The following INTS5 variants were observed in gnomAD, a reference collection of about 807,000 sequenced individuals.
INTS5 encodes the protein integrator complex subunit 5, also known as KIAA1698.
A neutral mutation model predicts 60.0 loss-of-function variants in INTS5; 29 were observed. The ratio of observed to expected loss-of-function variants is 0.48; its 90% CI spans 0.36 to 0.66. The LOEUF (loss-of-function observed/expected upper bound fraction) is 0.66, where lower values mean the gene tolerates loss of function less well. Among genes scored for constraint, INTS5 ranks in the 30% least tolerant of loss-of-function variants. The probability of loss-of-function intolerance (pLI) is 0.00; values close to 1 mark genes in which losing one functional copy is unlikely to be tolerated. For synonymous variants in INTS5, 588 were observed against 558.8 expected (o/e 1.05, Z -0.74); for missense variants, 1,129 against 1,307.9 (o/e 0.86, Z 2.11).
rs1944612424 is a variant in INTS5 at position 62,653,296 on chromosome 11, G to A, written c.-47C>T. 3.3e-6 allele frequency: 4 copies of A among 1,208,332 alleles called. No homozygotes were observed. In the East Asian group the frequency reaches 9.6e-5, roughly 29 times the overall value. The allele number at this position is 1,208,332 out of a possible 1,614,324, so 74.9% of individuals were successfully genotyped here. ...GAGGCGCGAGCGGCGGAGCGCAGGC[G>A]GCGCATGCGCGCTGACAGGAAACGC... is the stretch of plus-strand genomic sequence containing the variant. On this transcript the variant is annotated 5_prime_UTR_variant, in exon 1 of 2. Coordinates refer to ENST00000330574, the MANE Select transcript of INTS5 (RefSeq NM_030628.2).
At position 62,647,819 on chromosome 11, in the gene INTS5, A is replaced by G; in HGVS notation, c.2261T>C (p.Ile754Thr). The change falls in exon 2 of 2, where the codon ATC becomes ACC. Residue 754 changes from isoleucine (I) to threonine (T), a missense_variant. Physicochemically the swap from Ile to Thr is moderately conservative, Grantham distance 89. Around this residue, in one of 3 missense-constraint regions of INTS5, gnomAD observed 1,070 missense variants for 1,246.1 expected, o/e 0.86. Transcript: ENST00000330574. ...GIWSVFHAGV[I>T]GRGLKPPKFV... ...CTTGGGTGGCTTTAAGCCACGGCCG[A>G]TGACTCCAGCATGGAAAACTGACCA... 2 of 1,614,232 alleles carry G rather than the reference A, an allele frequency of 1.2e-6. No homozygotes were observed. Among genetic ancestry groups the G allele is most frequent in the Non-Finnish European group, 1.7e-6 (2 of 1,180,030 alleles).
chr11:62,646,962 G>C lies in INTS5; in HGVS notation c.*58C>G, dbSNP rs1219883803. On this transcript the variant is annotated 3_prime_UTR_variant, in exon 2 of 2. Coordinates refer to ENST00000330574, the MANE Select transcript of INTS5 (RefSeq NM_030628.2). ...AGAAACCTCCACCCTTCCGGAGCAC[G>C]TTAGTCCCTTCCCTCTCTCACTGCT... 7.2e-7 allele frequency: 1 copy of C among 1,393,182 alleles called. No homozygotes were observed. The highest frequency in any genetic ancestry group is 1.4e-5 in the African/African-American group (1 of 69,658). 86.3% of individuals were successfully genotyped at this position (1,393,182 alleles called of 1,614,324 possible).
At position 62,653,083 on chromosome 11, in the gene INTS5, C is replaced by A. The variant is rs1429742696; in HGVS notation, c.80+87G>T. 4.8e-6 allele frequency: 4 copies of A among 830,684 alleles called. No individual in the cohort carries two copies. In the African/African-American group the frequency reaches 7.1e-5, roughly 15 times the overall value. The allele number at this position is 830,684 out of a possible 1,614,324, so 51.5% of individuals were successfully genotyped here. On this transcript the variant is annotated intron_variant, in intron 1 of 1. Coordinates refer to ENST00000330574, the MANE Select transcript of INTS5 (RefSeq NM_030628.2). ...ATCTGAGAACCCTGACGTGAGTTCT[C>A]GAGGTAGGATCCGGGTTTCTACCGA...
chr11:62,647,933 A>T lies in INTS5; in HGVS notation c.2147T>A (p.Leu716His), dbSNP rs771188051. 26 of 1,614,196 alleles carry T rather than the reference A, an allele frequency of 1.6e-5. No homozygotes were observed. The highest frequency in any genetic ancestry group is 2.0e-5 in the Non-Finnish European group (24 of 1,180,036). The part of the protein sequence containing the change: ...GGQVDGDNET[L>H]SVVSASLASA... Reference sequence around the variant, plus strand: ...AGCCAAAGAAGCTGAAACAACTGAGAGAGTCTCATTGTCCCCATCTACTTG... The same window carrying T: ...AGCCAAAGAAGCTGAAACAACTGAGTGAGTCTCATTGTCCCCATCTACTTG... Residue 716 changes from leucine (L) to histidine (H), a missense_variant, in exon 2 of 2, where the codon CTC becomes CAC. Transcript: ENST00000330574.
At chr11:62,651,601 T>C (rs1315341874) in intron 1 of INTS5, among the ~76,000 whole-genome samples, 5 of 152,078 alleles carry the variant, frequency 3.3e-5, no homozygotes, top group African/African-American at 1.2e-4. Flanking sequence ...CTCACGCCTA[T>C]AATCCCAGCA....
In INTS5 at chr11:62,647,150, C is replaced by A. The variant is rs760172026; in HGVS notation, c.2930G>T (p.Gly977Val). 2 of 1,614,100 alleles carry A rather than the reference C, an allele frequency of 1.2e-6. No individual in the cohort carries two copies. Among genetic ancestry groups the A allele is most frequent in the Non-Finnish European group, 8.5e-7 (1 of 1,180,050 alleles). The change falls in exon 2 of 2, where the codon GGT (glycine) becomes GTT (valine). Residue 977 changes from glycine to valine, a missense_variant. By Grantham distance (109) the Gly-to-Val change is moderately radical. This residue lies in a region of INTS5 where 1,070 missense variants were observed against 1,246.1 expected (regional missense o/e 0.86). Coordinates refer to ENST00000330574, the MANE Select transcript of INTS5 (RefSeq NM_030628.2). ...CAGATGGGGTCCACCCTCACCTCCACCCTCCCTGGAGAAGTCCCGAATGAA... is the reference window on the plus strand; with the variant it reads ...CAGATGGGGTCCACCCTCACCTCCAACCTCCCTGGAGAAGTCCCGAATGAA... ...GRFIRDFSRE[G>V]GGEGGPHLAV... is the part of the protein sequence containing the mutation.
rs1944570729 is a variant in INTS5, at chr11:62,648,786, G to A, written c.1294C>T (p.Arg432Cys). Residue 432 changes from arginine (R) to cysteine (C), a missense_variant, in exon 2 of 2, where the codon CGT (arginine) becomes TGT (cysteine). Arg to Cys is a radical substitution (Grantham distance 180). This residue lies in a region of INTS5 where 1,070 missense variants were observed against 1,246.1 expected (regional missense o/e 0.86). Coordinates refer to ENST00000330574, the MANE Select transcript of INTS5 (RefSeq NM_030628.2). The surrounding 1 kb of genome is among the most constrained non-coding windows in gnomAD (Gnocchi z 4.4). Reference protein sequence around the residue: ...TQGLAVPDTVREACDRLIQLL... With the variant: ...TQGLAVPDTVCEACDRLIQLL... Reference sequence around the variant, plus strand: ...TGGATTAGCCGGTCACAAGCCTCACGCACGGTGTCTGGCACAGCCAGGCCC... The same window carrying A: ...TGGATTAGCCGGTCACAAGCCTCACACACGGTGTCTGGCACAGCCAGGCCC... The A allele has an allele frequency of 8.1e-6, 13 of 1,614,186 alleles. No homozygotes were observed. Among genetic ancestry groups the A allele is most frequent in the East Asian group, 2.2e-5 (1 of 44,892 alleles).
chr11:62,649,857 C>T lies in INTS5; in HGVS notation c.223G>A (p.Asp75Asn). ...TCATCAAAGACACCTCTCAAGTGGT[C>T]AAGCACAGCAGCCCGAGCAGGTGGC... Reference protein sequence around the residue: ...SLPPARAAVLDHLRGVFDESV... With the variant: ...SLPPARAAVLNHLRGVFDESV... The change falls in exon 2 of 2, where the codon GAC becomes AAC. Residue 75 changes from aspartate to asparagine, a missense_variant. Around this residue, in one of 3 missense-constraint regions of INTS5, gnomAD observed 1,070 missense variants for 1,246.1 expected, o/e 0.86. Coordinates refer to ENST00000330574, the MANE Select transcript of INTS5 (RefSeq NM_030628.2). The surrounding 1 kb of genome is among the most constrained non-coding windows in gnomAD (Gnocchi z 6.0). The T allele has an allele frequency of 6.2e-7, 1 of 1,614,142 alleles. No individual in the cohort carries two copies. Among genetic ancestry groups the T allele is most frequent in the South Asian group, 1.1e-5 (1 of 91,080 alleles).
In INTS5 at chr11:62,649,282, G is replaced by C; in HGVS notation, c.798C>G (p.Ser266Arg). The change falls in exon 2 of 2, where the codon AGC becomes AGG. Residue 266 changes from serine to arginine, a missense_variant. Around this residue, in one of 3 missense-constraint regions of INTS5, gnomAD observed 1,070 missense variants for 1,246.1 expected, o/e 0.86. Coordinates refer to ENST00000330574, the MANE Select transcript of INTS5 (RefSeq NM_030628.2). This position sits in a 1 kb window ranked among gnomAD's most constrained non-coding sequence, Gnocchi z 6.0. ...GGTCTGTAGAGGGGGTCTGAGAAGAGCTTCCACCACTACTGCCAGCTCCAC... is the reference window on the plus strand; with the variant it reads ...GGTCTGTAGAGGGGGTCTGAGAAGACCTTCCACCACTACTGCCAGCTCCAC... Reference protein sequence around the residue: ...AGGGAGSSGGSSSQTPSTDPF... With the variant: ...AGGGAGSSGGRSSQTPSTDPF... 1.2e-6 allele frequency: 2 copies of C among 1,614,126 alleles called. No individual in the cohort carries two copies. Among genetic ancestry groups the C allele is most frequent in the Non-Finnish European group, 1.7e-6 (2 of 1,180,018 alleles).
rs373092630 is a variant in INTS5, at chr11:62,647,215, G to C, written c.2865C>G (p.Pro955=). ...ATTGGAAGATGAACTTCTGAGGCAAGGGCCCATGCTCCCGGAGAAAACCCC... is the reference window on the plus strand; with the variant it reads ...ATTGGAAGATGAACTTCTGAGGCAACGGCCCATGCTCCCGGAGAAAACCCC... The part of the protein sequence containing the change: ...SVWGFLREHG[P]LPQKFIFQSE... Residue 955 remains proline, a synonymous_variant, in exon 2 of 2, where the codon CCC becomes CCG. Transcript: ENST00000330574. 2 of 1,614,240 alleles carry C rather than the reference G, an allele frequency of 1.2e-6. No individual in the cohort carries two copies. The highest frequency in any genetic ancestry group is 1.7e-6 in the Non-Finnish European group (2 of 1,180,050).
At chr11:62,652,921 T>C (rs1039516338) in intron 1 of INTS5, among the ~76,000 whole-genome samples, 2 of 152,092 alleles carry the variant, frequency 1.3e-5, no homozygotes, top group Non-Finnish European at 2.9e-5. Flanking sequence ...CCCCGACTCT[T>C]GGGAGAGGAA....
chr11:62,649,074 C>A lies in INTS5; in HGVS notation c.1006G>T (p.Ala336Ser). 1 of 1,610,648 alleles carries A rather than the reference C, an allele frequency of 6.2e-7. No individual in the cohort carries two copies. Among genetic ancestry groups the A allele is most frequent in the Non-Finnish European group, 8.5e-7 (1 of 1,177,558 alleles). The change falls in exon 2 of 2, where the codon GCC (alanine) becomes TCC (serine). Residue 336 changes from alanine to serine, a missense_variant. Ala to Ser is a moderately conservative substitution (Grantham distance 99). Around this residue, in one of 3 missense-constraint regions of INTS5, gnomAD observed 1,070 missense variants for 1,246.1 expected, o/e 0.86. Coordinates refer to ENST00000330574, the MANE Select transcript of INTS5 (RefSeq NM_030628.2). This position sits in a 1 kb window ranked among gnomAD's most constrained non-coding sequence, Gnocchi z 6.0. ...AGCTGCAGTAGGAACGGAACCGTGG[C>A]CTGAAGGGAGGGGTCCCCACTGCGG... ...GGRSGDPSLQ[A>S]TVPFLLQLAV...
rs1391623378 is a variant in INTS5, at chr11:62,648,658, T to C, written c.1422A>G (p.Leu474=). Residue 474 remains leucine, a synonymous_variant, in exon 2 of 2, where the codon TTA becomes TTG. Transcript: ENST00000330574. This position sits in a 1 kb window ranked among gnomAD's most constrained non-coding sequence, Gnocchi z 4.4. ...PPPPPRLVPF[L]DALKNHVGEL... ...CTCCAACATGGTTTTTGAGCGCATC[T>C]AAAAAGGGCACCAAGCGGGGAGGTG... 3.7e-6 allele frequency: 6 copies of C among 1,613,846 alleles called. No individual in the cohort carries two copies. The highest frequency in any genetic ancestry group is 5.1e-6 in the Non-Finnish European group (6 of 1,179,956).
chr11:62,648,606 C>A lies in INTS5; in HGVS notation c.1474G>T (p.Glu492Ter). 6.2e-7 allele frequency: 1 copy of A among 1,614,106 alleles called. No individual in the cohort carries two copies. The highest frequency in any genetic ancestry group is 8.5e-7 in the Non-Finnish European group (1 of 1,180,008). ...GELCGETLRL[E>*]RKRFLWQHQL... ...TGCTGCCAGAGGAAGCGCTTCCGTT[C>A]CAATCGTAACGTCTCTCCACACAGC... The change falls in exon 2 of 2, where the codon GAA becomes TAA. Residue 492 changes from glutamate to a stop codon, truncating the protein, a stop_gained. Transcript: ENST00000330574. LOFTEE classifies it high-confidence loss of function. This position sits in a 1 kb window ranked among gnomAD's most constrained non-coding sequence, Gnocchi z 4.4.
rs749895215 is a variant in INTS5, at chr11:62,647,037, G to A, written c.3043C>T (p.Leu1015Phe). The A allele has an allele frequency of 2.5e-6, 4 of 1,610,950 alleles. No homozygotes were observed. In the Admixed American group the frequency reaches 5.0e-5, roughly 20 times the overall value. Residue 1015 changes from leucine to phenylalanine, a missense_variant, in exon 2 of 2, where the codon CTT becomes TTT. Leu to Phe is a conservative substitution (Grantham distance 22). Coordinates refer to ENST00000330574, the MANE Select transcript of INTS5 (RefSeq NM_030628.2). ...RFQAPSPSTL[L>F]RQGT ...AGAAAAGGCTACGTCCCCTGTCGAA[G>A]GAGAGTGGACGGTGAAGGTGCCTGG...
In INTS5 at chr11:62,649,505, A is replaced by G; in HGVS notation, c.575T>C (p.Ile192Thr). ...GAGAGCCGAGAGGCACTGCACATAGATGTCCATTAATGTACGCGTGGCCCT... is the reference window on the plus strand; with the variant it reads ...GAGAGCCGAGAGGCACTGCACATAGGTGTCCATTAATGTACGCGTGGCCCT... ...GCRATRTLMD[I>T]YVQCLSALIG... The change falls in exon 2 of 2, where the codon ATC becomes ACC. Residue 192 changes from isoleucine (I) to threonine (T), a missense_variant. Physicochemically the swap from Ile to Thr is moderately conservative, Grantham distance 89. This residue lies in a region of INTS5 where 1,070 missense variants were observed against 1,246.1 expected (regional missense o/e 0.86). Coordinates refer to ENST00000330574, the MANE Select transcript of INTS5 (RefSeq NM_030628.2). This position sits in a 1 kb window ranked among gnomAD's most constrained non-coding sequence, Gnocchi z 6.0. 6.2e-7 allele frequency: 1 copy of G among 1,614,250 alleles called. No homozygotes were observed.
At position 62,648,840 on chromosome 11, in the gene INTS5, C is replaced by T. The variant is rs1487626267; in HGVS notation, c.1240G>A (p.Ala414Thr). ...YRLLQFLVDTAMPASVITTQG... is the reference protein window; with the variant it reads ...YRLLQFLVDTTMPASVITTQG... ...GTGGTAATGACCGAAGCAGGCATAG[C>T]TGTGTCCACCAGGAACTGCAGCAAG... The change falls in exon 2 of 2, where the codon GCT (alanine) becomes ACT (threonine). Residue 414 changes from alanine to threonine, a missense_variant. Coordinates refer to ENST00000330574, the MANE Select transcript of INTS5 (RefSeq NM_030628.2). This position sits in a 1 kb window ranked among gnomAD's most constrained non-coding sequence, Gnocchi z 4.4. 1 of 1,614,050 alleles carries T rather than the reference C, an allele frequency of 6.2e-7. No homozygotes were observed. Among genetic ancestry groups the T allele is most frequent in the Admixed American group, 1.7e-5 (1 of 60,024 alleles).
chr11:62,653,250 C>A lies in INTS5; in HGVS notation c.-1G>T, dbSNP rs1023122280. 3.5e-5 allele frequency: 43 copies of A among 1,242,694 alleles called. No individual in the cohort carries two copies. The highest frequency in any genetic ancestry group is 4.2e-5 in the Non-Finnish European group (41 of 987,458). 77.0% of individuals were successfully genotyped at this position (1,242,694 alleles called of 1,614,324 possible). A position where few individuals can be genotyped will look rare whatever the true frequency, so the allele number is the denominator to read the frequency against. On this transcript the variant is annotated 5_prime_UTR_variant, in exon 1 of 2. Coordinates refer to ENST00000330574, the MANE Select transcript of INTS5 (RefSeq NM_030628.2). ...CGGGAGGGTCGCACAGCGCGGACAT[C>A]CCGGAGCCCGAGCCGAGCCCGAGGC...
Position 62,648,660 on chromosome 11 carries a change from A to C in INTS5, c.1420T>G (p.Leu474Val). The C allele has an allele frequency of 6.2e-7, 1 of 1,613,998 alleles. No homozygotes were observed. The highest frequency in any genetic ancestry group is 2.2e-5 in the East Asian group (1 of 44,886). ...PPPPPRLVPFLDALKNHVGEL... is the reference protein window; with the variant it reads ...PPPPPRLVPFVDALKNHVGEL... ...CCAACATGGTTTTTGAGCGCATCTA[A>C]AAAGGGCACCAAGCGGGGAGGTGGG... The change falls in exon 2 of 2, where the codon TTA becomes GTA. Residue 474 changes from leucine to valine, a missense_variant. This residue lies in a region of INTS5 where 1,070 missense variants were observed against 1,246.1 expected (regional missense o/e 0.86). Coordinates refer to ENST00000330574, the MANE Select transcript of INTS5 (RefSeq NM_030628.2). This position sits in a 1 kb window ranked among gnomAD's most constrained non-coding sequence, Gnocchi z 4.4.
Sources: gnomAD v4.1 joint callset for allele counts (sites outside exome capture counted in the v4.1 genomes callset) on GRCh38, gnomAD v4.1.1 for gene constraint, gnomAD v4.1.1 regional missense constraint, Gnocchi (gnomAD v3.1) non-coding constraint, MANE v1.5 for transcripts, NCBI Gene and HGNC (gene_info 2026-07-23, HGNC 2026-07-21) for gene names.